Variants in PBX1 observed in about 807,000 individuals in gnomAD.
PBX1 encodes pre-B-cell leukemia transcription factor 1.
Under a neutral mutation model 53.4 loss-of-function variants are expected in PBX1, and 6 were observed. The ratio of observed to expected loss-of-function variants is 0.11; its 90% CI spans 0.06 to 0.22. The LOEUF (loss-of-function observed/expected upper bound fraction) is 0.22. PBX1 is among the 10% of genes least tolerant of loss of function. PBX1 has a pLI of 1.00. For missense variants in PBX1, 251 were observed against 551.4 expected, an observed-to-expected ratio of 0.46 and a Z score of 5.46; for synonymous variants, 204 against 212.3, an observed-to-expected ratio of 0.96 and a Z score of 0.34.
intron 2 of PBX1, among the ~76,000 whole-genome samples, chr1:164,714,216 A>G (rs1361470665): frequency 3.9e-5 from 6 of 152,218 alleles, no homozygotes; most frequent in Admixed American, 2.0e-4. Context: ...AATCTTTTAT[A>G]TTGTCTTCAC....
chr1:164,765,111 T>C (rs922946002), intron 2 of PBX1, among the ~76,000 whole-genome samples: 1 of 152,136 alleles, frequency 6.6e-6, no homozygotes, highest in Non-Finnish European at 1.5e-5. Flanking sequence ...TTGTCAACAG[T>C]TTACAGACAG....
chr1:164,664,169 G>A (rs2101955188), intron 2 of PBX1, among the ~76,000 whole-genome samples: 1 of 152,346 alleles, frequency 6.6e-6, no homozygotes, highest in East Asian at 1.9e-4. Flanking sequence ...AGGTCATGGA[G>A]TTGAGAAAGT....
At chr1:164,595,499 G>T (rs1400501201) in intron 2 of PBX1, among the ~76,000 whole-genome samples, 3 of 151,652 alleles carry the variant, frequency 2.0e-5, no homozygotes, top group East Asian at 3.9e-4. Flanking sequence ...ATGATGGTGG[G>T]AGCCTTTTTT....
intron 2 of PBX1, chr1:164,631,100 C>T (rs1045328986): frequency 3.3e-5 from 5 of 152,106 alleles, no homozygotes; most frequent in African/African-American, 9.7e-5. Flanking sequence ...CAAAGTTGCT[C>T]CTTCTTTTTC....
chr1:164,842,429 C>T (rs779515921), intron 8 of PBX1, among the ~76,000 whole-genome samples: 6 of 152,142 alleles, frequency 3.9e-5, no homozygotes, highest in Non-Finnish European at 7.4e-5. Flanking sequence ...TAGGATAGAC[C>T]ATAGAGTAAA....
intron 2 of PBX1, among the ~76,000 whole-genome samples, chr1:164,736,848 G>A (rs1364755039): frequency 6.6e-6 from 1 of 152,220 alleles, no homozygotes; most frequent in Non-Finnish European, 1.5e-5. Flanking sequence ...TTTACTTCTA[G>A]TCCTTCTTTA....
intron 2 of PBX1, among the ~76,000 whole-genome samples, chr1:164,697,299 C>T (rs1477121938): frequency 6.6e-6 from 1 of 152,160 alleles, no homozygotes; most frequent in Non-Finnish European, 1.5e-5. Context: ...GAATCTGAGC[C>T]TTTAATAACT....
At chr1:164,656,128 G>T (rs1476020261) in intron 2 of PBX1, among the ~76,000 whole-genome samples, 1 of 151,976 alleles carries the variant, frequency 6.6e-6, no homozygotes, top group African/African-American at 2.4e-5. Flanking sequence ...CCAGAAATTG[G>T]GCTGCTTAAT....
intron 2 of PBX1, among the ~76,000 whole-genome samples, chr1:164,736,273 G>A (rs746865597): frequency 4.6e-5 from 7 of 152,208 alleles, no homozygotes; most frequent in African/African-American, 7.2e-5. Flanking sequence ...GGAGGCATTG[G>A]AACACCAAGT....
intron 2 of PBX1, among the ~76,000 whole-genome samples, chr1:164,863,748 G>A (rs1028130669): frequency 2.0e-5 from 3 of 152,236 alleles, no homozygotes; most frequent in East Asian, 1.9e-4. Context: ...GGAATCTGGC[G>A]GATACCAGTA....
rs56872086 is a variant in PBX1 at position 164,834,346 on chromosome 1, CT to C, written c.1201-12223del. Among the ~76,000 whole-genome samples, 741 of 137,002 alleles carry C rather than the reference CT, an allele frequency of 5.4e-3. 3 individuals carry two copies. Among genetic ancestry groups the C allele is most frequent in the Admixed American group, 0.022 (305 of 13,770 alleles). The allele number at this position is 137,002 out of a possible 152,430, so 89.9% of individuals were successfully genotyped here. ...GTTTCCATTGGCCCTATTTTTCTTTCTTTTTTTTTTTTTTTGAGACAGAGTC... is the reference window on the plus strand; with the variant it reads ...GTTTCCATTGGCCCTATTTTTCTTTCTTTTTTTTTTTTTTGAGACAGAGTC... On this transcript the variant is annotated intron_variant, in intron 8 of 8. Coordinates refer to ENST00000420696, the MANE Select transcript of PBX1 (RefSeq NM_002585.4).
At chr1:164,734,211 C>G (rs1477878621) in intron 2 of PBX1, among the ~76,000 whole-genome samples, 1 of 152,114 alleles carries the variant, frequency 6.6e-6, no homozygotes, top group African/African-American at 2.4e-5. Flanking sequence ...CTCATTTTCT[C>G]CAAGAATTTA....
At chr1:164,682,387 C>T (rs1661830247) in intron 2 of PBX1, 1 of 152,086 alleles carries the variant, frequency 6.6e-6, no homozygotes, top group African/African-American at 2.4e-5. Flanking sequence ...CTCATCCATC[C>T]GTCTGCTGAG....
At chr1:164,802,870 A>T (rs954756632) in intron 4 of PBX1, among the ~76,000 whole-genome samples, 3 of 147,058 alleles carry the variant, frequency 2.0e-5, no homozygotes, top group Non-Finnish European at 4.5e-5. Flanking sequence ...TATAAATAAC[A>T]TTTTTTTTTT....
chr1:164,854,574 T>C (rs1671937676), downstream of PBX1, among the ~76,000 whole-genome samples: 1 of 152,010 alleles, frequency 6.6e-6, no homozygotes, highest in Admixed American at 6.5e-5. Flanking sequence ...AAAGCTACTA[T>C]AGTGTACAAA....
Position 164,848,037 on chromosome 1 carries a change from T to G in PBX1, c.*1361T>G. 2 of 1,050,260 alleles carry G rather than the reference T, an allele frequency of 1.9e-6. No homozygotes were observed. Among genetic ancestry groups the G allele is most frequent in the South Asian group, 9.1e-5 (2 of 21,858 alleles). 65.1% of individuals were successfully genotyped at this position (1,050,260 alleles called of 1,614,324 possible). A position where few individuals can be genotyped will look rare whatever the true frequency, so the allele number is the denominator to read the frequency against. ...ATGTTATACCACACTATGTTCTTGGTCCTGACCTATTGCTCTGGAGGAAAG... is the reference window on the plus strand; with the variant it reads ...ATGTTATACCACACTATGTTCTTGGGCCTGACCTATTGCTCTGGAGGAAAG... On this transcript the variant is annotated 3_prime_UTR_variant, in exon 9 of 9. Coordinates refer to ENST00000420696, the MANE Select transcript of PBX1 (RefSeq NM_002585.4).
At chr1:164,746,601 C>T (rs182146388) in intron 2 of PBX1, among the ~76,000 whole-genome samples, 1 of 151,804 alleles carries the variant, frequency 6.6e-6, no homozygotes, top group African/African-American at 2.4e-5. Flanking sequence ...GTTCTCGAAC[C>T]CTTGACCTCA....
intron 2 of PBX1, among the ~76,000 whole-genome samples, chr1:164,734,486 A>G (rs1025949913): frequency 3.0e-4 from 46 of 152,202 alleles, no homozygotes; most frequent in Non-Finnish European, 5.6e-4. Flanking sequence ...ATTACTCACC[A>G]AGTTCTAACT....
rs144784157 is a variant in PBX1, at chr1:164,562,544, A to G, written c.192-694A>G. Among the ~76,000 whole-genome samples, 1,075 of 151,882 alleles carry G rather than the reference A, an allele frequency of 7.1e-3. 17 individuals carry two copies. Among genetic ancestry groups the G allele is most frequent in the African/African-American group, 0.025 (1,030 of 41,420 alleles). The stretch of plus-strand genomic sequence containing the variant: ...CAAAATTGCATTTATTTTTCCCCCA[A>G]TGGGTGCAAGGTCCTAATTGTAAAT... On this transcript the variant is annotated intron_variant, in intron 1 of 8. Transcript: ENST00000420696.
Sources: gnomAD v4.1 joint callset for allele counts (sites outside exome capture counted in the v4.1 genomes callset) on GRCh38, gnomAD v4.1.1 for gene constraint, MANE v1.5 for transcripts, NCBI Gene and HGNC (gene_info 2026-07-23, HGNC 2026-07-21) for gene names.